Variants in EXOC4 observed in about 807,000 individuals in gnomAD.
The protein encoded by EXOC4 is exocyst complex component 4.
EXOC4 carries 71 observed loss-of-function variants against 107.2 expected under a neutral mutation model. The ratio of observed to expected loss-of-function variants is 0.66; its 90% CI spans 0.55 to 0.81. EXOC4 has a LOEUF of 0.81. Among genes scored for constraint, EXOC4 ranks in the 30% least tolerant of loss-of-function variants. EXOC4 has a pLI of 0.00. For missense variants in EXOC4, 1,108 were observed against 1,189.6 expected (o/e 0.93, Z 1.01); for synonymous variants, 456 against 441.2 (o/e 1.03, Z -0.42).
chr7:133,724,454 ATATTTTT>A (rs1369435674), intron 10 of EXOC4, among the ~76,000 whole-genome samples: 2 of 152,330 alleles, frequency 1.3e-5, no homozygotes, highest in East Asian at 3.9e-4. Context: ...CATTCAACAA[ATATTTTT>A]TATTTTTTTC....
intron 9 of EXOC4, among the ~76,000 whole-genome samples, chr7:133,560,876 T>C (rs1800792159): frequency 6.6e-6 from 1 of 152,184 alleles, no homozygotes; most frequent in African/African-American, 2.4e-5. Context: ...GAATTGGCAT[T>C]TGTATCAGGA....
At chr7:133,284,801 CT>C (rs891909267) in intron 2 of EXOC4, among the ~76,000 whole-genome samples, 1 of 152,100 alleles carries the variant, frequency 6.6e-6, no homozygotes, top group Admixed American at 6.5e-5. Context: ...TCCCGAGGTG[CT>C]GGGATTACAG....
intron 6 of EXOC4, among the ~76,000 whole-genome samples, chr7:133,371,597 C>G (rs1796379026): frequency 6.6e-6 from 1 of 152,096 alleles, no homozygotes; most frequent in South Asian, 2.1e-4. Flanking sequence ...AAATAATATT[C>G]TATTGTATGA....
At chr7:133,466,777 A>C (rs1334634106) in intron 7 of EXOC4, among the ~76,000 whole-genome samples, 1 of 152,202 alleles carries the variant, frequency 6.6e-6, no homozygotes, top group Admixed American at 6.5e-5. Context: ...AAATATTAGC[A>C]AATTGAATGT....
At chr7:133,557,410 TTAAATGGTATATG>T in intron 9 of EXOC4, among the ~76,000 whole-genome samples, 1 of 152,210 alleles carries the variant, frequency 6.6e-6, no homozygotes, top group Non-Finnish European at 1.5e-5. Context: ...TCTCTGCCAG[TTAAATGGTATATG>T]CCATATGCAT....
At position 133,384,802 on chromosome 7, in the gene EXOC4, G is replaced by A. The variant is rs142171393; in HGVS notation, c.1182+9800G>A. Among the ~76,000 whole-genome samples, 4 of 145,382 alleles carry A rather than the reference G, an allele frequency of 2.8e-5. No homozygotes were observed. In the Admixed American group the frequency reaches 2.8e-4, roughly 10 times the overall value. ...GTCTGAATCCTTGAGTATAGCGATAGTTCTTCTGATTTTTTTTTTTTTCTG... is the reference window on the plus strand; with the variant it reads ...GTCTGAATCCTTGAGTATAGCGATAATTCTTCTGATTTTTTTTTTTTTCTG... On this transcript the variant is annotated intron_variant, in intron 7 of 17. Transcript: ENST00000253861.
chr7:133,289,014 T>C lies in EXOC4; in HGVS notation c.369T>C (p.His123=), dbSNP rs942506536. Reference sequence around the variant, plus strand: ...GGATTGAAGGAATTGAGCATAAGCATGTCCTGAACTTGTTGGATGAAATTG... The same window carrying C: ...GGATTGAAGGAATTGAGCATAAGCACGTCCTGAACTTGTTGGATGAAATTG... ...KLWIEGIEHK[H]VLNLLDEIEN... is the part of the protein sequence containing the mutation. Residue 123 remains histidine, a synonymous_variant, in exon 3 of 18, where the codon CAT becomes CAC. Transcript: ENST00000253861. 3 of 1,614,096 alleles carry C rather than the reference T, an allele frequency of 1.9e-6. No homozygotes were observed. Among genetic ancestry groups the C allele is most frequent in the East Asian group, 2.2e-5 (1 of 44,896 alleles).
At chr7:133,533,672 T>C (rs903629906) in intron 9 of EXOC4, among the ~76,000 whole-genome samples, 1 of 152,156 alleles carries the variant, frequency 6.6e-6, no homozygotes, top group African/African-American at 2.4e-5. Context: ...TTTAAAAAGC[T>C]AGGGTAGTGC....
At chr7:134,003,416 C>T (rs1016352976) in intron 15 of EXOC4, among the ~76,000 whole-genome samples, 6 of 152,094 alleles carry the variant, frequency 3.9e-5, no homozygotes, top group Non-Finnish European at 8.8e-5. Context: ...TAGAACTGTA[C>T]ACTAAAAGGG....
intron 10 of EXOC4, among the ~76,000 whole-genome samples, chr7:133,678,564 C>T (rs777323436): frequency 1.3e-5 from 2 of 151,146 alleles, no homozygotes; most frequent in Admixed American, 1.3e-4. Context: ...TTGGAATTTC[C>T]ACACTGTGTC....
chr7:133,634,433 T>C (rs980977519), intron 10 of EXOC4, among the ~76,000 whole-genome samples: 1 of 152,178 alleles, frequency 6.6e-6, no homozygotes, highest in Non-Finnish European at 1.5e-5. Context: ...CAAGACATTG[T>C]CTGTAATTAA....
At chr7:133,946,929 T>C (rs561596055) in intron 14 of EXOC4, among the ~76,000 whole-genome samples, 3 of 152,334 alleles carry the variant, frequency 2.0e-5, no homozygotes, top group African/African-American at 7.2e-5. Context: ...TACTTTTGAC[T>C]CTCCTCACAT....
chr7:134,071,394 A>C (rs566046067), downstream of EXOC4, among the ~76,000 whole-genome samples: 1 of 152,336 alleles, frequency 6.6e-6, no homozygotes, highest in East Asian at 1.9e-4. Flanking sequence ...GAAGCCAGCA[A>C]ACTGAGAAGA....
chr7:133,583,980 G>A (rs1801337584), intron 9 of EXOC4, among the ~76,000 whole-genome samples: 1 of 152,148 alleles, frequency 6.6e-6, no homozygotes, highest in Non-Finnish European at 1.5e-5. Context: ...TGACTGTGTG[G>A]GTCGGGGAAG....
At chr7:133,736,155 C>T (rs982568450) in intron 10 of EXOC4, among the ~76,000 whole-genome samples, 3 of 152,134 alleles carry the variant, frequency 2.0e-5, no homozygotes, top group African/African-American at 4.8e-5. Context: ...CAAGCATGCT[C>T]ATTCTCTCCT....
At chr7:134,051,543 A>G (rs1169190589) in intron 17 of EXOC4, among the ~76,000 whole-genome samples, 3 of 151,968 alleles carry the variant, frequency 2.0e-5, no homozygotes, top group Admixed American at 1.3e-4. Context: ...GTGGTGGCAC[A>G]TGCCTGTAAT....
In EXOC4 at chr7:133,921,729, T is replaced by C. The variant is rs550303635; in HGVS notation, c.2027+3991T>C. Among the ~76,000 whole-genome samples the C allele has an allele frequency of 1.8e-4, 27 of 152,322 alleles. No individual in the cohort carries two copies. The South Asian group carries it at 5.6e-3, about 32-fold the overall frequency. On this transcript the variant is annotated intron_variant, in intron 13 of 17. Coordinates refer to ENST00000253861, the MANE Select transcript of EXOC4 (RefSeq NM_021807.4). ...GATCTGTAGTGTAGTGAGGTATCTC[T>C]AATTGATTTGGAGTAATTTTCAGTT...
intron 17 of EXOC4, among the ~76,000 whole-genome samples, chr7:134,017,074 A>G (rs1401958695): frequency 3.3e-5 from 5 of 152,248 alleles, no homozygotes; most frequent in Admixed American, 3.3e-4. Context: ...AGAAAGAAGC[A>G]CAATATTTGT....
At chr7:134,100,334 C>T in the EXOC4 span, among the ~76,000 whole-genome samples, 5 of 77,854 alleles carry the variant, frequency 6.4e-5, 1 homozygote, top group African/African-American at 1.9e-4. Context: ...CAAGCCTCTA[C>T]CAACAACCTG....
Sources: gnomAD v4.1 joint callset for allele counts (sites outside exome capture counted in the v4.1 genomes callset) on GRCh38, gnomAD v4.1.1 for gene constraint, MANE v1.5 for transcripts, NCBI Gene and HGNC (gene_info 2026-07-23, HGNC 2026-07-21) for gene names.